The following LIG1 variants were observed in gnomAD, a reference collection of about 807,000 sequenced individuals.
The protein encoded by LIG1 is ligase I, DNA, ATP-dependent.
In LIG1, 70 loss-of-function variants were observed where a neutral mutation model predicts 115.7. The ratio of observed to expected loss-of-function variants is 0.60; its 90% CI spans 0.50 to 0.74. The LOEUF (loss-of-function observed/expected upper bound fraction) is 0.74, where lower values mean the gene tolerates loss of function less well. Ranked by LOEUF, LIG1 falls within the 30% of genes least tolerant of loss-of-function variation. The pLI is 0.00. For missense variants in LIG1, 1,115 were observed against 1,225.6 expected, an observed-to-expected ratio of 0.91 and a Z score of 1.35; for synonymous variants, 487 against 495.3, an observed-to-expected ratio of 0.98 and a Z score of 0.22.
intron 5 of LIG1, among the ~76,000 whole-genome samples, chr19:48,155,569 G>A (rs182854883): frequency 2.1e-4 from 32 of 152,180 alleles, no homozygotes; most frequent in African/African-American, 6.7e-4. Context: ...ACCCAGCATC[G>A]TCCGATGGAA....
intron 17 of LIG1, 79 bp from the exon 18 acceptor site, chr19:48,133,176 T>A: frequency 1.1e-6 from 1 of 946,706 alleles, no homozygotes; most frequent in African/African-American, 1.6e-5. Context: ...GAACTGCTAA[T>A]GGGCCCCAGG....
chr19:48,149,048 G>A (rs374208254), intron 9 of LIG1, among the ~76,000 whole-genome samples: 2 of 152,162 alleles, frequency 1.3e-5, no homozygotes, highest in Non-Finnish European at 2.9e-5. Context: ...ACTGGCTCAC[G>A]CCTGTAATCC....
intron 1 of LIG1, among the ~76,000 whole-genome samples, chr19:48,165,912 G>C (rs1310322904): frequency 6.6e-6 from 1 of 152,028 alleles, no homozygotes; most frequent in Non-Finnish European, 1.5e-5. Flanking sequence ...GGTTTTTTTG[G>C]AGTTAAGTTT....
chr19:48,135,568 G>T (rs1032716826), intron 16 of LIG1, 112 bp downstream of exon 16: 5 of 863,246 alleles, frequency 5.8e-6, no homozygotes, highest in East Asian at 2.4e-5. Flanking sequence ...ACCGGCACTC[G>T]TGATGCCTGT....
chr19:48,133,266 GC>G (rs2034162229), intron 17 of LIG1, 169 bp from the exon 18 acceptor site: 4 of 619,470 alleles, frequency 6.5e-6, no homozygotes, highest in South Asian at 1.9e-5. Flanking sequence ...GGGGACTACA[GC>G]CCCCGGCCTT....
chr19:48,149,047 C>T (rs555075090), intron 9 of LIG1, among the ~76,000 whole-genome samples: 27 of 152,288 alleles, frequency 1.8e-4, no homozygotes, highest in Non-Finnish European at 3.5e-4. Flanking sequence ...TACTGGCTCA[C>T]GCCTGTAATC....
chr19:48,169,224 G>A (rs184341496), intron 1 of LIG1, among the ~76,000 whole-genome samples: 2 of 152,242 alleles, frequency 1.3e-5, no homozygotes, highest in African/African-American at 2.4e-5. Context: ...ATGTGGAGAG[G>A]GAACTGTTCT....
chr19:48,143,813 ACT>A, intron 10 of LIG1, 68 bp downstream of exon 10: 8 of 1,351,036 alleles, frequency 5.9e-6, no homozygotes, highest in Non-Finnish European at 8.5e-6. Flanking sequence ...CCCAACCAAG[ACT>A]CTGCTTAGAG....
At chr19:48,115,827 AG>A (rs1378004537) in intron 27 of LIG1, 45 bp downstream of exon 27, 1 of 1,586,034 alleles carries the variant, frequency 6.3e-7, no homozygotes, top group Admixed American at 1.7e-5. Context: ...AAAAGCTGGT[AG>A]GGCCAAGCAG....
At chr19:48,165,705 G>GAAAA in intron 1 of LIG1, 82 bp from the exon 2 acceptor site, 2 of 774,676 alleles carry the variant, frequency 2.6e-6, no homozygotes, top group South Asian at 1.9e-5. Flanking sequence ...CTTTAAGAAA[G>GAAAA]AAAGAAAAAA....
chr19:48,155,310 C>T (rs1197202418), intron 5 of LIG1, among the ~76,000 whole-genome samples: 9 of 152,214 alleles, frequency 5.9e-5, no homozygotes, highest in Admixed American at 2.0e-4. Flanking sequence ...CCTCTCACCA[C>T]GTGCTATCCT....
At position 48,134,037 on chromosome 19, in the gene LIG1, G is replaced by T; in HGVS notation, c.1553C>A (p.Pro518His). ...TTCCAGGCCGTGCTCCAGCAGCACG[G>T]GGATAATTCGGTCCAGGTCGGGAAC... ...CEVPDLDRII[P>H]VLLEHGLERL... Residue 518 changes from proline to histidine, a missense_variant, in exon 17 of 28, where the codon CCC (proline) becomes CAC (histidine). Transcript: ENST00000263274. 1 of 1,557,542 alleles carries T rather than the reference G, an allele frequency of 6.4e-7. No individual in the cohort carries two copies. The highest frequency in any genetic ancestry group is 8.7e-7 in the Non-Finnish European group (1 of 1,150,078).
rs530355397 is a variant in LIG1 at position 48,158,651 on chromosome 19, A to T, written c.244-1511T>A. ...AGGCAGTGCCAATGGAGGGAAGCAGAGGGCACTGCATGACTGGAGGCACAG... is the reference window on the plus strand; with the variant it reads ...AGGCAGTGCCAATGGAGGGAAGCAGTGGGCACTGCATGACTGGAGGCACAG... On this transcript the variant is annotated intron_variant, in intron 4 of 27. Transcript: ENST00000263274. 2.6e-5 allele frequency among the ~76,000 whole-genome samples: 4 copies of T among 152,382 alleles called. No homozygotes were observed. The East Asian group carries it at 7.7e-4, about 29-fold the overall frequency.
chr19:48,142,076 C>A (rs991956851), intron 11 of LIG1, among the ~76,000 whole-genome samples: 10 of 152,124 alleles, frequency 6.6e-5, no homozygotes, highest in Admixed American at 4.6e-4. Context: ...CCGAGGCGGG[C>A]CGATCACTTG....
At chr19:48,150,342 G>C in intron 7 of LIG1, 132 bp from the exon 8 acceptor site, 1 of 1,371,336 alleles carries the variant, frequency 7.3e-7, no homozygotes, top group Non-Finnish European at 1.0e-6. Context: ...TTTCCTTTCT[G>C]TTAGCTTTGA....
At chr19:48,155,675 A>G (rs2163619) in intron 5 of LIG1, among the ~76,000 whole-genome samples, 70,331 of 151,974 alleles carry the variant, frequency 0.46, 16,505 homozygotes, top group East Asian at 0.67. Flanking sequence ...TGAAGAGTCT[A>G]TTTTGCTCAA....
chr19:48,137,795 C>T lies in LIG1; in HGVS notation c.1088-107G>A, dbSNP rs187411725. On this transcript the variant is annotated intron_variant, in intron 12 of 27. Transcript: ENST00000263274. The surrounding 1 kb of genome is among the most constrained non-coding windows in gnomAD (Gnocchi z 4.3). The stretch of plus-strand genomic sequence containing the variant: ...TTTCTCCAGCTGTGTGTGCTTGTGG[C>T]GAGTCCCTGCACCTCCCTGTGTCTA... The T allele has an allele frequency of 5.7e-3, 7,773 of 1,373,584 alleles. 37 individuals are homozygous for T. The highest frequency in any genetic ancestry group is 6.3e-3 in the Non-Finnish European group (6,272 of 997,606). 85.1% of individuals were successfully genotyped at this position (1,373,584 alleles called of 1,614,324 possible). A position where few individuals can be genotyped will look rare whatever the true frequency, so the allele number is the denominator to read the frequency against.
In LIG1 at chr19:48,129,040, G is replaced by A. The variant is rs751790532; in HGVS notation, c.1822-1020C>T. 4.9e-4 allele frequency among the ~76,000 whole-genome samples: 74 copies of A among 151,586 alleles called. 1 individual carries two copies. Among genetic ancestry groups the A allele is most frequent in the Non-Finnish European group, 8.4e-4 (57 of 67,968 alleles). On this transcript the variant is annotated intron_variant, in intron 19 of 27. Transcript: ENST00000263274. ...CTCCCAAAGTGCTGGGATTATAGGCGTGAGCCACCACGCCTGGCCTCTTTT... is the reference window on the plus strand; with the variant it reads ...CTCCCAAAGTGCTGGGATTATAGGCATGAGCCACCACGCCTGGCCTCTTTT...
chr19:48,121,154 C>T lies in LIG1; in HGVS notation c.2385+16G>A, dbSNP rs2122348287. ...CTTCCCTCCTGCTTCTGCCATCAGCCCCAGTTCCCCAGGACCTTGCATATG... is the reference window on the plus strand; with the variant it reads ...CTTCCCTCCTGCTTCTGCCATCAGCTCCAGTTCCCCAGGACCTTGCATATG... On this transcript the variant is annotated intron_variant, in intron 24 of 27. Coordinates refer to ENST00000263274, the MANE Select transcript of LIG1 (RefSeq NM_000234.3). 1 of 1,614,102 alleles carries T rather than the reference C, an allele frequency of 6.2e-7. No individual in the cohort carries two copies. The highest frequency in any genetic ancestry group is 1.1e-5 in the South Asian group (1 of 91,082).
Sources: allele counts gnomAD v4.1 joint callset (sites outside exome capture counted in the v4.1 genomes callset), GRCh38; gene constraint gnomAD v4.1.1; non-coding constraint Gnocchi (gnomAD v3.1); transcripts MANE v1.5; gene names NCBI Gene and HGNC (gene_info 2026-07-23, HGNC 2026-07-21).